The following CDH13 variants were observed in gnomAD, a reference collection of about 807,000 sequenced individuals.
CDH13 encodes cadherin-13.
CDH13 carries 24 observed loss-of-function variants against 63.8 expected under a neutral mutation model. The ratio of observed to expected loss-of-function variants is 0.38; its 90% CI spans 0.27 to 0.53. CDH13 has a LOEUF of 0.53. CDH13 is among the 20% of genes least tolerant of loss of function. The pLI is 0.85. For synonymous variants in CDH13, 503 were observed against 355.3 expected, an observed-to-expected ratio of 1.42 and a Z score of -4.67; for missense variants, 1,049 against 903.1, an observed-to-expected ratio of 1.16 and a Z score of -2.07.
chr16:82,655,693 G>T (rs554913076), intron 1 of CDH13, among the ~76,000 whole-genome samples: 3 of 152,230 alleles, frequency 2.0e-5, no homozygotes, highest in Admixed American at 6.5e-5. Flanking sequence ...TCCTCCACAG[G>T]CTATTTTTTT....
intron 5 of CDH13, among the ~76,000 whole-genome samples, chr16:83,271,667 A>G (rs751773394): frequency 9.2e-5 from 14 of 152,014 alleles, no homozygotes; most frequent in Admixed American, 2.0e-4. Context: ...ACTCAAGGGG[A>G]AGGTAGCACT....
chr16:83,504,121 T>C (rs1053905249), intron 7 of CDH13, among the ~76,000 whole-genome samples: 1 of 151,902 alleles, frequency 6.6e-6, no homozygotes, highest in African/African-American at 2.4e-5. Flanking sequence ...TAAGGTAAAA[T>C]TTAAAAAAAG....
intron 3 of CDH13, among the ~76,000 whole-genome samples, chr16:83,064,253 C>A (rs1217177792): frequency 6.6e-6 from 1 of 152,076 alleles, no homozygotes; most frequent in Non-Finnish European, 1.5e-5. Context: ...CCTGTGATCC[C>A]AGCTATTCAA....
At chr16:83,332,985 A>T (rs77586560) in intron 5 of CDH13, among the ~76,000 whole-genome samples, 1 of 152,214 alleles carries the variant, frequency 6.6e-6, no homozygotes, top group Non-Finnish European at 1.5e-5. Context: ...AGGATTTTCA[A>T]AGAACATTTG....
At position 83,747,217 on chromosome 16, in the gene CDH13, T is replaced by A. The variant is rs1000548024; in HGVS notation, c.1539-891T>A. On this transcript the variant is annotated intron_variant, in intron 10 of 13. Transcript: ENST00000567109. ...TGTTTCTGTTCCATCTGTAATAGTTTGGCTGTGTCCTCACCCAAGTCTCAT... is the reference window on the plus strand; with the variant it reads ...TGTTTCTGTTCCATCTGTAATAGTTAGGCTGTGTCCTCACCCAAGTCTCAT... Among the ~76,000 whole-genome samples, 49 of 152,228 alleles carry A rather than the reference T, an allele frequency of 3.2e-4. 1 individual carries two copies. Among genetic ancestry groups the A allele is most frequent in the Non-Finnish European group, 5.4e-4 (37 of 68,044 alleles).
chr16:82,968,982 T>C (rs1908289998), intron 2 of CDH13, among the ~76,000 whole-genome samples: 1 of 152,042 alleles, frequency 6.6e-6, no homozygotes, highest in Non-Finnish European at 1.5e-5. Context: ...TAGTTGGGCA[T>C]GGTAATCCCA....
chr16:82,838,852 T>C (rs149138465), intron 1 of CDH13, among the ~76,000 whole-genome samples: 1 of 152,318 alleles, frequency 6.6e-6, no homozygotes, highest in African/African-American at 2.4e-5. Context: ...TCTGGCCTTA[T>C]GTAAAGGTCC....
At position 82,638,646 on chromosome 16, in the gene CDH13, T is replaced by TA. The variant is rs112589314; in HGVS notation, c.45+11517dup. On this transcript the variant is annotated intron_variant, in intron 1 of 13. Transcript: ENST00000567109. ...TGTGCATGTCATAATGCGTGGACAT[T>TA]AAAAAAAATAAAGTTTGCTCCCCAG... Among the ~76,000 whole-genome samples, 1,098 of 151,926 alleles carry TA rather than the reference T, an allele frequency of 7.2e-3. 9 individuals carry two copies. The highest frequency in any genetic ancestry group is 0.036 in the South Asian group (174 of 4,794).
intron 5 of CDH13, among the ~76,000 whole-genome samples, chr16:83,253,455 T>A (rs1387844804): frequency 2.0e-5 from 3 of 152,198 alleles, no homozygotes; most frequent in Non-Finnish European, 2.9e-5. Flanking sequence ...AAAATCTGTG[T>A]GGTCGTGTTG....
chr16:83,569,971 G>A (rs148004006), intron 7 of CDH13, among the ~76,000 whole-genome samples: 3,918 of 152,166 alleles, frequency 0.026, 107 homozygotes, highest in African/African-American at 0.062. Context: ...TCCTGACCTC[G>A]TGATCTTCCT....
intron 13 of CDH13, chr16:83,789,819 G>A (rs1344685514): frequency 8.6e-5 from 13 of 152,018 alleles, no homozygotes; most frequent in Admixed American, 4.6e-4. Flanking sequence ...TGTAAATAAA[G>A]TTTTATTGGA....
chr16:82,950,419 G>T (rs560901109), intron 2 of CDH13, among the ~76,000 whole-genome samples: 1 of 152,206 alleles, frequency 6.6e-6, no homozygotes, highest in African/African-American at 2.4e-5. Context: ...ACGTGTTATG[G>T]GAGGGACTGG....
chr16:82,960,037 T>TAAGG (rs1906732877), intron 2 of CDH13, among the ~76,000 whole-genome samples: 3 of 152,200 alleles, frequency 2.0e-5, no homozygotes, highest in Admixed American at 6.5e-5. Flanking sequence ...TTGAAGAGTT[T>TAAGG]TGAGCAGTAA....
intron 8 of CDH13, among the ~76,000 whole-genome samples, chr16:83,628,400 G>T (rs1009279392): frequency 6.6e-6 from 1 of 152,164 alleles, no homozygotes; most frequent in Non-Finnish European, 1.5e-5. Flanking sequence ...GAGCCCCGGG[G>T]CTCTGCCTGG....
At chr16:83,006,177 A>G (rs1913472408) in intron 2 of CDH13, among the ~76,000 whole-genome samples, 1 of 152,126 alleles carries the variant, frequency 6.6e-6, no homozygotes, top group Non-Finnish European at 1.5e-5. Context: ...GGGCATTTTC[A>G]AGTCTCAATC....
At chr16:83,097,066 T>A (rs1166460098) in intron 3 of CDH13, among the ~76,000 whole-genome samples, 1 of 152,212 alleles carries the variant, frequency 6.6e-6, no homozygotes, top group Non-Finnish European at 1.5e-5. Context: ...TTGTCACTTT[T>A]CTCTGTGTAC....
At chr16:82,768,188 C>G (rs2035133034) in intron 1 of CDH13, among the ~76,000 whole-genome samples, 1 of 152,310 alleles carries the variant, frequency 6.6e-6, no homozygotes, top group South Asian at 2.1e-4. Flanking sequence ...GCCTAATTTT[C>G]TCAACTAAAT....
intron 1 of CDH13, among the ~76,000 whole-genome samples, chr16:82,833,672 C>T (rs1413876706): frequency 6.6e-6 from 1 of 152,202 alleles, no homozygotes; most frequent in African/African-American, 2.4e-5. Flanking sequence ...TAATGTCAAC[C>T]TAGTGACTTC....
At chr16:82,976,131 T>C (rs996757654) in intron 2 of CDH13, among the ~76,000 whole-genome samples, 13 of 152,130 alleles carry the variant, frequency 8.5e-5, no homozygotes, top group Non-Finnish European at 1.9e-4. Context: ...AGATAAGATT[T>C]GTGGAGAGTT....
Sources: gnomAD v4.1 joint callset for allele counts (sites outside exome capture counted in the v4.1 genomes callset) on GRCh38, gnomAD v4.1.1 for gene constraint, MANE v1.5 for transcripts, NCBI Gene and HGNC (gene_info 2026-07-23, HGNC 2026-07-21) for gene names.